Variants in ENKUR observed in about 807,000 individuals in gnomAD.
The protein encoded by ENKUR is enkurin.
In ENKUR, 19 loss-of-function variants were observed where a neutral mutation model predicts 27.6. That is an observed-to-expected ratio of 0.69 (90% CI 0.48 to 1.01). The LOEUF (loss-of-function observed/expected upper bound fraction) is 1.01. Ranked by LOEUF, ENKUR falls within the 50% of genes least tolerant of loss-of-function variation. ENKUR has a pLI of 0.00. For synonymous variants in ENKUR, 117 were observed against 96.9 expected (o/e 1.21, Z -1.22); for missense variants, 312 against 310.5 (o/e 1.00, Z -0.04).
intron 2 of ENKUR, among the ~76,000 whole-genome samples, chr10:25,038,082 A>G (rs1365072718): frequency 6.6e-6 from 1 of 152,188 alleles, no homozygotes; most frequent in Non-Finnish European, 1.5e-5. Flanking sequence ...ATTACATACT[A>G]TAATACGATA....
chr10:24,988,696 A>G lies in ENKUR; in HGVS notation c.594+1767T>C, dbSNP rs1215997476. On this transcript the variant is annotated intron_variant, in intron 4 of 5. Coordinates refer to ENST00000331161, the MANE Select transcript of ENKUR (RefSeq NM_145010.4). Reference sequence around the variant, plus strand: ...TATATATATATATATATATATATATATATATATATATATATATATATATAT... The same window carrying G: ...TATATATATATATATATATATATATGTATATATATATATATATATATATAT... Among the ~76,000 whole-genome samples, 227 of 34,550 alleles carry G rather than the reference A, an allele frequency of 6.6e-3. 9 individuals are homozygous for G. Among genetic ancestry groups the G allele is most frequent in the African/African-American group, 0.028 (203 of 7,168 alleles). 22.7% of individuals were successfully genotyped at this position (34,550 alleles called of 152,430 possible).
chr10:25,036,525 T>C (rs1851010757), intron 2 of ENKUR, among the ~76,000 whole-genome samples: 2 of 152,172 alleles, frequency 1.3e-5, no homozygotes, highest in South Asian at 4.1e-4. Context: ...TGGGGAAAGA[T>C]CACAGTTTTG....
intron 3 of ENKUR, among the ~76,000 whole-genome samples, chr10:24,992,501 G>C (rs1849948677): frequency 6.6e-6 from 1 of 152,090 alleles, no homozygotes; most frequent in Non-Finnish European, 1.5e-5. Context: ...GCCCTGAATT[G>C]CTCAGTGTCA....
At chr10:25,060,969 C>A in intron 2 of ENKUR, 1 of 679,254 alleles carries the variant, frequency 1.5e-6, no homozygotes, top group Non-Finnish European at 2.5e-6. Flanking sequence ...CCACCTCAGC[C>A]TCCCAAAGTG....
Position 25,003,178 on chromosome 10 carries a change from A to AT in ENKUR, c.78-3633dup, listed in dbSNP as rs1443223681. On this transcript the variant is annotated intron_variant, in intron 1 of 5. Transcript: ENST00000331161. ...GTTTCTTTAATTAATTAATTAATTA[A>AT]TTAATTTATTTATTTATTCATTTAT... Among the ~76,000 whole-genome samples, 669 of 112,812 alleles carry AT rather than the reference A, an allele frequency of 5.9e-3. 2 individuals are homozygous for AT. Among genetic ancestry groups the AT allele is most frequent in the African/African-American group, 0.02 (548 of 27,524 alleles). 74.0% of individuals were successfully genotyped at this position (112,812 alleles called of 152,430 possible). A position where few individuals can be genotyped will look rare whatever the true frequency, so the allele number is the denominator to read the frequency against.
At chr10:25,053,054 C>T (rs1449745538) in intron 2 of ENKUR, among the ~76,000 whole-genome samples, 1 of 149,816 alleles carries the variant, frequency 6.7e-6, no homozygotes, top group African/African-American at 2.5e-5. Flanking sequence ...CAGGCATGAG[C>T]CACCACACCC....
chr10:24,999,756 A>G (rs1850147387), intron 1 of ENKUR, among the ~76,000 whole-genome samples: 1 of 152,198 alleles, frequency 6.6e-6, no homozygotes, highest in Non-Finnish European at 1.5e-5. Context: ...TGCTAGGGCA[A>G]AAGTGTTCAT....
intron 2 of ENKUR, chr10:25,026,357 A>T (rs1850852043): frequency 6.0e-6 from 1 of 166,816 alleles, no homozygotes; most frequent in Non-Finnish European, 1.5e-5. Flanking sequence ...AGTAAGCAGA[A>T]CTACTTAGAA....
Position 24,990,667 on chromosome 10 carries a change from G to A in ENKUR, c.448-58C>T, listed in dbSNP as rs566293153. ...ATTTTGTATGCAATCTTACATATGGGTACGTATCAACTGATGATGGAAGAA... is the reference window on the plus strand; with the variant it reads ...ATTTTGTATGCAATCTTACATATGGATACGTATCAACTGATGATGGAAGAA... On this transcript the variant is annotated intron_variant, in intron 3 of 5. Coordinates refer to ENST00000331161, the MANE Select transcript of ENKUR (RefSeq NM_145010.4). 1.7e-5 allele frequency: 25 copies of A among 1,483,146 alleles called. No individual in the cohort carries two copies. In the South Asian group the frequency reaches 2.4e-4, roughly 14 times the overall value. The allele number at this position is 1,483,146 out of a possible 1,614,324, so 91.9% of individuals were successfully genotyped here.
In ENKUR at chr10:24,984,877, T is replaced by C. The variant is rs750478897; in HGVS notation, c.623A>G (p.His208Arg). 4 of 1,613,426 alleles carry C rather than the reference T, an allele frequency of 2.5e-6. No homozygotes were observed. The highest frequency in any genetic ancestry group is 3.3e-5 in the Admixed American group (2 of 59,908). The change falls in exon 5 of 6, where the codon CAT becomes CGT. Residue 208 changes from histidine to arginine, a missense_variant. Transcript: ENST00000331161. ...GACCGAGAGGGACTGGAATTCTTTA[T>C]GCACCTCTTCCCAGTTCTTTTTCAG... ...QGLKKNWEEV[H>R]KEFQSLSVFI...
chr10:25,019,385 G>A (rs1193936249), upstream of ENKUR, among the ~76,000 whole-genome samples: 1 of 152,126 alleles, frequency 6.6e-6, no homozygotes, highest in African/African-American at 2.4e-5. Flanking sequence ...GAGGTGGGAG[G>A]ATTGCTTGAG....
intron 3 of ENKUR, among the ~76,000 whole-genome samples, chr10:24,991,847 G>A (rs533426996): frequency 2.0e-5 from 3 of 152,280 alleles, no homozygotes; most frequent in Middle Eastern, 3.4e-3. Flanking sequence ...AACCAAAAGA[G>A]CACCCTGTAA....
In ENKUR at chr10:24,984,301, A is replaced by G; in HGVS notation, c.*69T>C. ...CAATGTGTTGGAGACAGTTTAGAGT[A>G]GCAAGAAGGCACGTGTTACTATTTC... On this transcript the variant is annotated 3_prime_UTR_variant, in exon 6 of 6. Coordinates refer to ENST00000331161, the MANE Select transcript of ENKUR (RefSeq NM_145010.4). 1.3e-6 allele frequency: 2 copies of G among 1,550,046 alleles called. No homozygotes were observed. Among genetic ancestry groups the G allele is most frequent in the Non-Finnish European group, 1.8e-6 (2 of 1,137,380 alleles).
Position 24,984,335 on chromosome 10 carries a change from A to G in ENKUR, c.*35T>C. ...GCACGTGTTACTATTTCCAGTTCAA[A>G]ATACTTAACAGTTTTCAAAGTTGTG... On this transcript the variant is annotated 3_prime_UTR_variant, in exon 6 of 6. Transcript: ENST00000331161. 6.3e-7 allele frequency: 1 copy of G among 1,594,100 alleles called. No homozygotes were observed. Among genetic ancestry groups the G allele is most frequent in the Non-Finnish European group, 8.5e-7 (1 of 1,171,396 alleles).
chr10:24,986,828 C>A (rs1044304202), intron 4 of ENKUR, among the ~76,000 whole-genome samples: 8 of 152,076 alleles, frequency 5.3e-5, no homozygotes, highest in Non-Finnish European at 1.0e-4. Context: ...TTCATTATTT[C>A]ATCTAAAAAG....
chr10:25,025,556 T>A, intron 2 of ENKUR: 1 of 1,142,586 alleles, frequency 8.8e-7, no homozygotes, highest in Non-Finnish European at 1.2e-6. Context: ...TATGTAAATA[T>A]CTCTATATCT....
chr10:25,042,290 T>A (rs574602439), intron 2 of ENKUR, among the ~76,000 whole-genome samples: 6 of 128,410 alleles, frequency 4.7e-5, no homozygotes, highest in Admixed American at 3.3e-4. Context: ...TGAGTCAGAG[T>A]CTCAAAAAAA....
upstream of ENKUR, among the ~76,000 whole-genome samples, chr10:25,019,627 A>G (rs949081001): frequency 3.3e-5 from 5 of 152,256 alleles, no homozygotes; most frequent in Non-Finnish European, 5.9e-5. Context: ...TGCACAGGTT[A>G]TATGCAAATA....
At chr10:25,025,536 T>C (rs1361805011) in intron 2 of ENKUR, 1 of 1,352,040 alleles carries the variant, frequency 7.4e-7, no homozygotes, top group African/African-American at 1.5e-5. Flanking sequence ...TACAGTAGCA[T>C]TTTGTCTTTT....
Sources: gnomAD v4.1 joint callset for allele counts (sites outside exome capture counted in the v4.1 genomes callset) on GRCh38, gnomAD v4.1.1 for gene constraint, MANE v1.5 for transcripts, NCBI Gene and HGNC (gene_info 2026-07-23, HGNC 2026-07-21) for gene names.